The following KDM4C variants were observed in gnomAD, a reference collection of about 807,000 sequenced individuals.
The protein encoded by KDM4C is lysine-specific demethylase 4C.
A neutral mutation model predicts 129.3 loss-of-function variants in KDM4C; 81 were observed. The observed-to-expected ratio is 0.63, with a 90% CI of 0.52 to 0.75. The LOEUF (loss-of-function observed/expected upper bound fraction) is 0.75. Among genes scored for constraint, KDM4C ranks in the 30% least tolerant of loss-of-function variants. The pLI, the probability that KDM4C is intolerant of heterozygous loss-of-function variation, is 0.00. For missense variants in KDM4C, 1,457 were observed against 1,304.0 expected (o/e 1.12, Z -1.81); for synonymous variants, 573 against 456.1 (o/e 1.26, Z -3.26).
At chr9:6,765,730 T>C (rs1302318291) in intron 1 of KDM4C, among the ~76,000 whole-genome samples, 1 of 152,212 alleles carries the variant, frequency 6.6e-6, no homozygotes, top group Non-Finnish European at 1.5e-5. Flanking sequence ...CACATAAATA[T>C]ATAAAATTGA....
chr9:7,106,990 A>G (rs1396991030), intron 18 of KDM4C, among the ~76,000 whole-genome samples: 1 of 152,170 alleles, frequency 6.6e-6, no homozygotes, highest in African/African-American at 2.4e-5. Context: ...AGTGTGTCAC[A>G]GGAAGTACAC....
intron 8 of KDM4C, among the ~76,000 whole-genome samples, chr9:6,894,107 G>T (rs946294541): frequency 1.3e-5 from 2 of 152,200 alleles, no homozygotes; most frequent in African/African-American, 4.8e-5. Context: ...ATTCTACACT[G>T]ATAAAACTTA....
At chr9:6,835,085 T>A in intron 4 of KDM4C, 1 of 992,172 alleles carries the variant, frequency 1.0e-6, no homozygotes, top group Non-Finnish European at 1.6e-6. Context: ...GTGCGTGACA[T>A]CAAGGAGAAG....
At chr9:6,738,964 A>G (rs2130251281) in intron 1 of KDM4C, among the ~76,000 whole-genome samples, 1 of 151,798 alleles carries the variant, frequency 6.6e-6, no homozygotes, top group East Asian at 1.9e-4. Context: ...CCTGGGCTCA[A>G]TTTATTCTCC....
intron 10 of KDM4C, 75 bp from the exon 11 acceptor site, chr9:6,986,269 T>TG: frequency 1.0e-6 from 1 of 999,524 alleles, no homozygotes; most frequent in South Asian, 1.6e-5. Flanking sequence ...CAGAATCATT[T>TG]GGGAATAGTT....
chr9:6,906,461 C>G (rs1437375672), intron 8 of KDM4C, among the ~76,000 whole-genome samples: 1 of 152,136 alleles, frequency 6.6e-6, no homozygotes, highest in Non-Finnish European at 1.5e-5. Flanking sequence ...TCTTCTGCCT[C>G]AATGGTTTTG....
chr9:6,773,500 G>C (rs1477502569), intron 1 of KDM4C, among the ~76,000 whole-genome samples: 1 of 152,098 alleles, frequency 6.6e-6, no homozygotes, highest in Non-Finnish European at 1.5e-5. Context: ...GGCCAGGCGT[G>C]GTGGCTCATG....
chr9:7,139,186 G>T (rs1841503547), intron 19 of KDM4C, among the ~76,000 whole-genome samples: 1 of 152,082 alleles, frequency 6.6e-6, no homozygotes, highest in Non-Finnish European at 1.5e-5. Context: ...GAGGTGGGAG[G>T]ATCACTTGAG....
chr9:6,751,199 A>G (rs1484349619), intron 1 of KDM4C, among the ~76,000 whole-genome samples: 1 of 152,156 alleles, frequency 6.6e-6, no homozygotes, highest in Non-Finnish European at 1.5e-5. Flanking sequence ...TAATCCCAGC[A>G]CTTTGGGAGG....
intron 19 of KDM4C, among the ~76,000 whole-genome samples, chr9:7,155,692 C>T (rs190467185): frequency 0.018 from 2,710 of 152,210 alleles, 59 homozygotes; most frequent in African/African-American, 0.062. Flanking sequence ...TGAACTCATC[C>T]TTTTTTATGG....
chr9:6,989,208 G>T lies in KDM4C; in HGVS notation c.1678-1208G>T, dbSNP rs575010259. 3.3e-5 allele frequency among the ~76,000 whole-genome samples: 5 copies of T among 152,232 alleles called. No homozygotes were observed. In the East Asian group the frequency reaches 7.7e-4, roughly 24 times the overall value. On this transcript the variant is annotated intron_variant, in intron 11 of 21. Coordinates refer to ENST00000381309, the MANE Select transcript of KDM4C (RefSeq NM_015061.6). ...TCTTATTCCTAGCTTTGATTACAAT[G>T]GTCTTACACATTTTCTTAGAATCAT...
intron 8 of KDM4C, chr9:6,948,003 AGTGTAAT>A (rs2131465877): frequency 6.6e-6 from 1 of 152,106 alleles, no homozygotes; most frequent in African/African-American, 2.4e-5. Flanking sequence ...TATTCTTCTA[AGTGTAAT>A]TTGATTTCCT....
intron 1 of KDM4C, among the ~76,000 whole-genome samples, chr9:6,772,180 C>T (rs918472373): frequency 6.6e-5 from 10 of 151,892 alleles, no homozygotes; most frequent in African/African-American, 1.2e-4. Context: ...GACAGAGTCT[C>T]ACTCTGTTGC....
At chr9:6,981,568 C>A (rs1003339584) in intron 9 of KDM4C, among the ~76,000 whole-genome samples, 2 of 152,198 alleles carry the variant, frequency 1.3e-5, no homozygotes, top group African/African-American at 4.8e-5. Context: ...ACATTTTATG[C>A]ACATGGTTTT....
At chr9:6,772,039 G>T (rs1420932356) in intron 1 of KDM4C, among the ~76,000 whole-genome samples, 2 of 152,200 alleles carry the variant, frequency 1.3e-5, no homozygotes, top group African/African-American at 4.8e-5. Context: ...GAAACTGTTG[G>T]AATGGCCTTG....
chr9:6,820,383 C>T (rs1832813838), intron 4 of KDM4C, among the ~76,000 whole-genome samples: 4 of 152,112 alleles, frequency 2.6e-5, no homozygotes, highest in African/African-American at 7.2e-5. Flanking sequence ...TGAGCAGGAG[C>T]ATAGGAGGGT....
At chr9:6,782,760 A>G (rs1824643543) in intron 1 of KDM4C, among the ~76,000 whole-genome samples, 2 of 152,288 alleles carry the variant, frequency 1.3e-5, no homozygotes, top group South Asian at 4.2e-4. Flanking sequence ...TAAAAGAGGG[A>G]TAGCATCATC....
chr9:7,115,409 A>T (rs1190895183), intron 18 of KDM4C, among the ~76,000 whole-genome samples: 1 of 152,208 alleles, frequency 6.6e-6, no homozygotes, highest in East Asian at 1.9e-4. Flanking sequence ...CTCATATTTT[A>T]ATATTGGTAT....
chr9:6,812,271 GT>G (rs1376216438), intron 3 of KDM4C, among the ~76,000 whole-genome samples: 3 of 151,818 alleles, frequency 2.0e-5, no homozygotes, highest in African/African-American at 7.3e-5. Context: ...TGAGTACATA[GT>G]GATAGATTGG....
Sources: allele counts gnomAD v4.1 joint callset (sites outside exome capture counted in the v4.1 genomes callset), GRCh38; gene constraint gnomAD v4.1.1; transcripts MANE v1.5; gene names NCBI Gene and HGNC (gene_info 2026-07-23, HGNC 2026-07-21).